TMEM132C: variants seen among roughly 807,000 people sequenced by gnomAD.
TMEM132C encodes the protein transmembrane protein 132C.
A neutral mutation model predicts 61.4 loss-of-function variants in TMEM132C; 29 were observed. That is an observed-to-expected ratio of 0.47 (90% CI 0.35 to 0.64). TMEM132C has a LOEUF of 0.64. TMEM132C is among the 30% of genes least tolerant of loss of function. The pLI, the probability that TMEM132C is intolerant of heterozygous loss-of-function variation, is 0.00. For synonymous variants in TMEM132C, 656 were observed against 633.1 expected (o/e 1.04, Z -0.54); for missense variants, 1,408 against 1,476.9 (o/e 0.95, Z 0.76).
chr12:128,419,408 C>G (rs1323339750), intron 2 of TMEM132C, among the ~76,000 whole-genome samples: 3 of 152,152 alleles, frequency 2.0e-5, no homozygotes, highest in Non-Finnish European at 2.9e-5. Flanking sequence ...TGTGTTGGCT[C>G]ACAGCTGTGT....
rs386378194 is a variant in TMEM132C, at chr12:128,620,232, CAAAAAAAAAAAA to C, written c.1305+3908_1305+3919del. ...CAGGCAACAGAATGAGACCCTGTCT[CAAAAAAAAAAAA>C]AAAAAAAAAAGGAATAAACAAGCAG... is the stretch of plus-strand genomic sequence containing the variant. On this transcript the variant is annotated intron_variant, in intron 4 of 8. Coordinates refer to ENST00000435159, the MANE Select transcript of TMEM132C (RefSeq NM_001136103.3). 2.3e-4 allele frequency among the ~76,000 whole-genome samples: 14 copies of C among 62,016 alleles called. No homozygotes were observed. In the South Asian group the frequency reaches 9.8e-3, roughly 44 times the overall value. The allele number at this position is 62,016 out of a possible 152,430, so 40.7% of individuals were successfully genotyped here.
intron 2 of TMEM132C, among the ~76,000 whole-genome samples, chr12:128,506,220 T>TG (rs1377991396): frequency 3.3e-5 from 5 of 152,134 alleles, no homozygotes; most frequent in Non-Finnish European, 5.9e-5. Context: ...GAGAAAGCAG[T>TG]GGGGAATGGC....
chr12:128,615,752 TTC>T (rs1410354301), intron 3 of TMEM132C, among the ~76,000 whole-genome samples: 6 of 152,156 alleles, frequency 3.9e-5, no homozygotes, highest in Admixed American at 2.0e-4. Flanking sequence ...CTGGTACCGG[TTC>T]ATGGCCCAGG....
intron 1 of TMEM132C, among the ~76,000 whole-genome samples, chr12:128,337,437 G>A (rs766587266): frequency 6.6e-6 from 1 of 152,146 alleles, no homozygotes; most frequent in Admixed American, 6.5e-5. Context: ...AATGTGTGTG[G>A]ATTTTTCCAA....
chr12:128,535,267 A>G (rs1873479462), intron 2 of TMEM132C, among the ~76,000 whole-genome samples: 1 of 152,256 alleles, frequency 6.6e-6, no homozygotes, highest in East Asian at 1.9e-4. Flanking sequence ...GAGCTACTGC[A>G]CGGCAAAAGA....
chr12:128,534,576 T>G (rs890362903), intron 2 of TMEM132C, among the ~76,000 whole-genome samples: 18 of 152,216 alleles, frequency 1.2e-4, no homozygotes, highest in African/African-American at 4.3e-4. Context: ...TGAGCGGGGT[T>G]GGCCTCACAC....
chr12:128,627,842 A>C (rs1954030697), intron 4 of TMEM132C, among the ~76,000 whole-genome samples: 3 of 152,224 alleles, frequency 2.0e-5, no homozygotes, highest in African/African-American at 7.2e-5. Flanking sequence ...GGTCAGTGCC[A>C]TGAAAAGGAG....
At chr12:128,483,634 G>C (rs370285786) in intron 2 of TMEM132C, among the ~76,000 whole-genome samples, 1 of 152,068 alleles carries the variant, frequency 6.6e-6, no homozygotes. Flanking sequence ...ACTTTGTACA[G>C]GTGTTTGTTG....
intron 3 of TMEM132C, among the ~76,000 whole-genome samples, chr12:128,572,897 A>G (rs987752656): frequency 9.9e-5 from 15 of 152,262 alleles, no homozygotes; most frequent in Non-Finnish European, 1.9e-4. Flanking sequence ...CAAAACCACA[A>G]TGAGATACCA....
chr12:128,372,214 T>A (rs1874047431), intron 1 of TMEM132C, among the ~76,000 whole-genome samples: 1 of 152,224 alleles, frequency 6.6e-6, no homozygotes, highest in South Asian at 2.1e-4. Flanking sequence ...ATTGAGTCCG[T>A]GGAGTTAGCC....
chr12:128,663,634 G>A (rs1195712489), intron 4 of TMEM132C, among the ~76,000 whole-genome samples: 3 of 152,216 alleles, frequency 2.0e-5, no homozygotes, highest in Non-Finnish European at 4.4e-5. Flanking sequence ...CCGTGTTAAG[G>A]AACATGGATT....
chr12:128,374,548 T>C (rs1280067009), intron 1 of TMEM132C, among the ~76,000 whole-genome samples: 2 of 152,256 alleles, frequency 1.3e-5, no homozygotes, highest in East Asian at 3.9e-4. Flanking sequence ...ATTTGGCGCC[T>C]GACAGCTACT....
intron 4 of TMEM132C, among the ~76,000 whole-genome samples, chr12:128,665,273 G>A (rs1243552863): frequency 9.0e-6 from 1 of 111,588 alleles, no homozygotes; most frequent in African/African-American, 3.2e-5. Context: ...ACACAAACAG[G>A]CACACGCACA....
chr12:128,550,113 T>C (rs1335125501), intron 3 of TMEM132C, among the ~76,000 whole-genome samples: 1 of 152,176 alleles, frequency 6.6e-6, no homozygotes, highest in Non-Finnish European at 1.5e-5. Context: ...TTCCACAGAC[T>C]GGTTGGCTTA....
rs139542679 is a variant in TMEM132C at position 128,428,132 on chromosome 12, A to G, written c.974+12512A>G. Among the ~76,000 whole-genome samples the G allele has an allele frequency of 3.0e-3, 451 of 152,314 alleles. 2 individuals are homozygous for G. The highest frequency in any genetic ancestry group is 0.01 in the African/African-American group (436 of 41,572). ...TGATACGCCATGCAATCCTCTCAACAACCCGTTCTACAGATGAGGAAACCG... is the reference window on the plus strand; with the variant it reads ...TGATACGCCATGCAATCCTCTCAACGACCCGTTCTACAGATGAGGAAACCG... On this transcript the variant is annotated intron_variant, in intron 2 of 8. Coordinates refer to ENST00000435159, the MANE Select transcript of TMEM132C (RefSeq NM_001136103.3).
intron 2 of TMEM132C, among the ~76,000 whole-genome samples, chr12:128,450,491 A>G (rs964880507): frequency 2.0e-5 from 3 of 152,248 alleles, no homozygotes; most frequent in Admixed American, 6.5e-5. Flanking sequence ...TTAAAGACCA[A>G]TAAAATGCCC....
chr12:128,544,025 A>G lies in TMEM132C; in HGVS notation c.1043A>G (p.Lys348Arg). 1 of 1,548,738 alleles carries G rather than the reference A, an allele frequency of 6.5e-7. No individual in the cohort carries two copies. The highest frequency in any genetic ancestry group is 8.7e-7 in the Non-Finnish European group (1 of 1,145,744). ...CGTGAGCCCCGGCAGTGGGGCGTCAAGCAGGAGGTGGGCAGCGGCGGAAAG... is the reference window on the plus strand; with the variant it reads ...CGTGAGCCCCGGCAGTGGGGCGTCAGGCAGGAGGTGGGCAGCGGCGGAAAG... ...QTREPRQWGV[K>R]QEVGSGGKHV... The change falls in exon 3 of 9, where the codon AAG becomes AGG. Residue 348 changes from lysine (K) to arginine (R), a missense_variant. Transcript: ENST00000435159.
intron 1 of TMEM132C, among the ~76,000 whole-genome samples, chr12:128,376,467 C>A (rs1181215170): frequency 6.6e-6 from 1 of 152,116 alleles, no homozygotes; most frequent in Non-Finnish European, 1.5e-5. Context: ...CTTTAGATAT[C>A]AAGAGAATCA....
In TMEM132C at chr12:128,533,074, G is replaced by A. The variant is rs562154861; in HGVS notation, c.975-10883G>A. 7.2e-5 allele frequency among the ~76,000 whole-genome samples: 11 copies of A among 152,290 alleles called. No individual in the cohort carries two copies. In the South Asian group the frequency reaches 2.1e-3, roughly 29 times the overall value. On this transcript the variant is annotated intron_variant, in intron 2 of 8. Coordinates refer to ENST00000435159, the MANE Select transcript of TMEM132C (RefSeq NM_001136103.3). Reference sequence around the variant, plus strand: ...TATTCTAGTGGAAGAGCAAGGATGCGTGTGTGCCATGCCTTTGTATGCAGG... The same window carrying A: ...TATTCTAGTGGAAGAGCAAGGATGCATGTGTGCCATGCCTTTGTATGCAGG...
Sources: gnomAD v4.1 joint callset for allele counts (sites outside exome capture counted in the v4.1 genomes callset) on GRCh38, gnomAD v4.1.1 for gene constraint, MANE v1.5 for transcripts, NCBI Gene and HGNC (gene_info 2026-07-23, HGNC 2026-07-21) for gene names.